The following CELF2 variants were observed in gnomAD, a reference collection of about 807,000 sequenced individuals.
CELF2 encodes CUGBP Elav-like family member 2, also known as CUG triplet repeat RNA-binding protein 2.
CELF2 carries 8 observed loss-of-function variants against 62.6 expected under a neutral mutation model. That is an observed-to-expected ratio of 0.13 (90% CI 0.07 to 0.23). The LOEUF is 0.23. CELF2 is among the 10% of genes least tolerant of loss of function. The pLI is 1.00. For synonymous variants in CELF2, 258 were observed against 250.0 expected (o/e 1.03, Z -0.30); for missense variants, 333 against 671.0 (o/e 0.50, Z 5.56).
At chr10:11,044,428 G>A (rs1397621823) in intron 1 of CELF2, among the ~76,000 whole-genome samples, 1 of 151,996 alleles carries the variant, frequency 6.6e-6, no homozygotes, top group East Asian at 1.9e-4. Flanking sequence ...ACCTATTTTG[G>A]GTGAGCTTTA....
At chr10:10,604,790 T>C in the CELF2 span, among the ~76,000 whole-genome samples, 1 of 152,266 alleles carries the variant, frequency 6.6e-6, no homozygotes, top group Non-Finnish European at 1.5e-5. Flanking sequence ...TTAATCCTTA[T>C]ATGAAAATTG....
intron 3 of CELF2, among the ~76,000 whole-genome samples, chr10:11,228,802 C>T (rs887066405): frequency 1.3e-5 from 2 of 151,276 alleles, no homozygotes; most frequent in Non-Finnish European, 2.9e-5. Flanking sequence ...ACCTGAATCA[C>T]TCCTAAGGCA....
chr10:10,745,453 T>C, the CELF2 span, among the ~76,000 whole-genome samples: 9 of 152,210 alleles, frequency 5.9e-5, no homozygotes, highest in East Asian at 5.8e-4. Flanking sequence ...TCTTCTCTTC[T>C]TCCGCACCCC....
At position 11,054,564 on chromosome 10, in the gene CELF2, T is replaced by A. The variant is rs536746985; in HGVS notation, c.74+36401T>A. On this transcript the variant is annotated intron_variant, in intron 1 of 12. Coordinates refer to ENST00000633077, the MANE Select transcript of CELF2 (RefSeq NM_001326342.2). ...TAACTTAATGTCAATTTATGAAGAATTGACCTTGTCTTTATCTCATTTCAT... is the reference window on the plus strand; with the variant it reads ...TAACTTAATGTCAATTTATGAAGAAATGACCTTGTCTTTATCTCATTTCAT... Among the ~76,000 whole-genome samples, 8 of 151,926 alleles carry A rather than the reference T, an allele frequency of 5.3e-5. No individual in the cohort carries two copies. In the South Asian group the frequency reaches 1.5e-3, roughly 28 times the overall value.
intron 2 of CELF2, among the ~76,000 whole-genome samples, chr10:10,964,249 T>A (rs1454551444): frequency 6.6e-6 from 1 of 152,190 alleles, no homozygotes; most frequent in Admixed American, 6.5e-5. Flanking sequence ...ACCCTCAGCA[T>A]GGTGTTAAGG....
intron 2 of CELF2, among the ~76,000 whole-genome samples, chr10:11,202,244 A>G (rs1262139729): frequency 2.0e-5 from 3 of 152,076 alleles, no homozygotes; most frequent in African/African-American, 7.2e-5. Flanking sequence ...TCTTCGGGGC[A>G]TTTTTTTCAC....
In CELF2 at chr10:11,009,008, G is replaced by C. The variant is rs1201452281; in HGVS notation, c.53+3568G>C. 4.9e-4 allele frequency among the ~76,000 whole-genome samples: 11 copies of C among 22,324 alleles called. No homozygotes were observed. The South Asian group carries it at 0.01, about 21-fold the overall frequency. 14.6% of individuals were successfully genotyped at this position (22,324 alleles called of 152,430 possible). A position where few individuals can be genotyped will look rare whatever the true frequency, so the allele number is the denominator to read the frequency against. On this transcript the variant is annotated intron_variant, in intron 1 of 12. Transcript: ENST00000416382. ...TTGATAATTCCTGGGGAATTTGCGG[G>C]GGGGGGGGGGGAGCATTCCTGATTC...
At chr10:10,862,208 C>A (rs2060082473) in intron 1 of CELF2, among the ~76,000 whole-genome samples, 1 of 152,158 alleles carries the variant, frequency 6.6e-6, no homozygotes, top group South Asian at 2.1e-4. Context: ...TATCACCAAC[C>A]CCAGTGGCTT....
chr10:10,478,663 TCAGAATGA>T, the CELF2 span, among the ~76,000 whole-genome samples: 1 of 152,182 alleles, frequency 6.6e-6, no homozygotes, highest in Non-Finnish European at 1.5e-5. Context: ...AATTATTAAA[TCAGAATGA>T]CAGATGAAGC....
At chr10:10,671,204 CAAA>C in the CELF2 span, among the ~76,000 whole-genome samples, 7 of 115,784 alleles carry the variant, frequency 6.0e-5, no homozygotes, top group South Asian at 2.6e-4. Context: ...TTATCTGTCT[CAAA>C]AAAAAAAAAA....
intron 1 of CELF2, among the ~76,000 whole-genome samples, chr10:11,111,260 C>T (rs1031342869): frequency 1.3e-5 from 2 of 152,154 alleles, no homozygotes; most frequent in Non-Finnish European, 2.9e-5. Flanking sequence ...TTAAAATAGG[C>T]AAATCGACCA....
At chr10:10,818,496 G>T (rs921997011) in intron 1 of CELF2, among the ~76,000 whole-genome samples, 1 of 151,858 alleles carries the variant, frequency 6.6e-6, no homozygotes, top group East Asian at 1.9e-4. Context: ...ATTTCTGGGG[G>T]CCAAAGCTCT....
the CELF2 span, among the ~76,000 whole-genome samples, chr10:10,717,501 G>GA: frequency 6.6e-6 from 1 of 151,944 alleles, no homozygotes; most frequent in African/African-American, 2.4e-5. Context: ...CCCATTATGT[G>GA]AAAAAAATAA....
the CELF2 span, among the ~76,000 whole-genome samples, chr10:10,533,291 A>G: frequency 6.6e-6 from 1 of 152,188 alleles, no homozygotes; most frequent in Non-Finnish European, 1.5e-5. Context: ...TTTAATGAAG[A>G]TGATTTTTAA....
At chr10:10,963,454 C>G (rs182845852) in intron 2 of CELF2, among the ~76,000 whole-genome samples, 1 of 152,204 alleles carries the variant, frequency 6.6e-6, no homozygotes, top group Admixed American at 6.5e-5. Context: ...CCTTTAACGT[C>G]TCTCACCACT....
chr10:10,985,585 G>T (rs998830498), intron 2 of CELF2, among the ~76,000 whole-genome samples: 1 of 152,202 alleles, frequency 6.6e-6, no homozygotes, highest in Non-Finnish European at 1.5e-5. Context: ...TTTTGTTGAA[G>T]ATTTTGATGC....
chr10:11,219,531 G>A (rs759003472), intron 3 of CELF2, among the ~76,000 whole-genome samples: 1 of 152,162 alleles, frequency 6.6e-6, no homozygotes, highest in African/African-American at 2.4e-5. Flanking sequence ...CTTGAGGCAG[G>A]TTGAAGGAAT....
At chr10:11,175,554 A>AG (rs1230528281) in intron 2 of CELF2, among the ~76,000 whole-genome samples, 2 of 152,186 alleles carry the variant, frequency 1.3e-5, no homozygotes, top group Non-Finnish European at 1.5e-5. Flanking sequence ...TACAGAGACG[A>AG]GGTGGTGAAC....
At chr10:11,197,112 T>C (rs1233596899) in intron 2 of CELF2, among the ~76,000 whole-genome samples, 2 of 147,540 alleles carry the variant, frequency 1.4e-5, no homozygotes, top group African/African-American at 4.9e-5. Context: ...CCCATTGTTC[T>C]CGCATTCATT....
Sources: allele counts gnomAD v4.1 joint callset (sites outside exome capture counted in the v4.1 genomes callset), GRCh38; gene constraint gnomAD v4.1.1; transcripts MANE v1.5; gene names NCBI Gene and HGNC (gene_info 2026-07-23, HGNC 2026-07-21).